Variants in TAMM41 observed in about 807,000 individuals in gnomAD.
TAMM41 encodes phosphatidate cytidylyltransferase, mitochondrial.
In TAMM41, 36 loss-of-function variants were observed where a neutral mutation model predicts 44.1. The ratio of observed to expected loss-of-function variants is 0.82; its 90% CI spans 0.63 to 1.08. The LOEUF (loss-of-function observed/expected upper bound fraction) is 1.08, where lower values mean the gene tolerates loss of function less well. Among genes scored for constraint, TAMM41 ranks in the 50% least tolerant of loss-of-function variants. TAMM41 has a pLI of 0.00. For missense variants in TAMM41, 417 were observed against 404.3 expected (o/e 1.03, Z -0.27); for synonymous variants, 164 against 153.1 (o/e 1.07, Z -0.53).
the TAMM41 span, among the ~76,000 whole-genome samples, chr3:11,781,951 A>G: frequency 2.0e-5 from 3 of 152,186 alleles, no homozygotes; most frequent in South Asian, 6.2e-4. Context: ...ATCTCTTCTG[A>G]TGTAGCTCAT....
chr3:11,753,744 A>G, the TAMM41 span, among the ~76,000 whole-genome samples: 215 of 152,150 alleles, frequency 1.4e-3, no homozygotes, highest in Middle Eastern at 6.8e-3. Flanking sequence ...CTCAAAAAAA[A>G]AAATAAAATA....
At chr3:11,788,465 T>G (rs1173645206), downstream of TAMM41, among the ~76,000 whole-genome samples, 2 of 152,114 alleles carry the variant, frequency 1.3e-5, no homozygotes, top group East Asian at 3.9e-4. Context: ...TGAAAAAAAC[T>G]TTTTGTAGTG....
chr3:11,833,171 C>G (rs1342564234), intron 3 of TAMM41: 1 of 1,283,610 alleles, frequency 7.8e-7, no homozygotes, highest in Admixed American at 2.3e-5. Context: ...AAAGAAAGTG[C>G]TCAGATTTGT....
At chr3:11,790,934 C>G (rs1270776656) in intron 7 of TAMM41, among the ~76,000 whole-genome samples, 1 of 152,232 alleles carries the variant, frequency 6.6e-6, no homozygotes, top group Non-Finnish European at 1.5e-5. Context: ...CCCGTTCTCT[C>G]AGGCCTAAAT....
chr3:11,787,651 C>A (rs1323486337), downstream of TAMM41, among the ~76,000 whole-genome samples: 1 of 152,150 alleles, frequency 6.6e-6, no homozygotes, highest in Admixed American at 6.5e-5. Flanking sequence ...TCATGATGTG[C>A]CAAGAACCAC....
chr3:11,732,843 G>T, the TAMM41 span, among the ~76,000 whole-genome samples: 2 of 152,128 alleles, frequency 1.3e-5, no homozygotes, highest in African/African-American at 4.8e-5. Flanking sequence ...GGCCTGGGTG[G>T]CTGGACCATA....
chr3:11,805,407 G>A (rs1233279172), intron 7 of TAMM41, among the ~76,000 whole-genome samples: 5 of 152,134 alleles, frequency 3.3e-5, no homozygotes, highest in Admixed American at 6.5e-5. Flanking sequence ...AAAGTGCTGG[G>A]ATTATAGGTG....
the TAMM41 span, among the ~76,000 whole-genome samples, chr3:11,763,563 A>T: frequency 7.4e-4 from 112 of 152,362 alleles, no homozygotes; most frequent in African/African-American, 2.6e-3. Context: ...GTGAAAAACA[A>T]ACACATCTCG....
chr3:11,790,046 G>A (rs1318609847), downstream of TAMM41, among the ~76,000 whole-genome samples: 1 of 152,210 alleles, frequency 6.6e-6, no homozygotes, highest in South Asian at 2.1e-4. Context: ...AGAAACACAC[G>A]AAAAGCCTAG....
At chr3:11,758,349 A>ATTGTT in the TAMM41 span, among the ~76,000 whole-genome samples, 6 of 129,236 alleles carry the variant, frequency 4.6e-5, no homozygotes, top group Non-Finnish European at 7.3e-5. Flanking sequence ...TTTGTTTTGT[A>ATTGTT]TTGTTTTGTT....
chr3:11,772,259 T>C, the TAMM41 span, among the ~76,000 whole-genome samples: 1 of 145,714 alleles, frequency 6.9e-6, no homozygotes, highest in Non-Finnish European at 1.5e-5. Flanking sequence ...TTTTTTGTAG[T>C]TTTAGTAGAG....
At chr3:11,830,439 G>C (rs1173504448) in intron 3 of TAMM41, among the ~76,000 whole-genome samples, 1 of 152,176 alleles carries the variant, frequency 6.6e-6, no homozygotes, top group Non-Finnish European at 1.5e-5. Flanking sequence ...CAAATGATTT[G>C]CATCAAAGAA....
At chr3:11,809,770 A>C in intron 5 of TAMM41, 88 bp from the exon 6 acceptor site, 1 of 1,393,318 alleles carries the variant, frequency 7.2e-7, no homozygotes, top group Non-Finnish European at 9.8e-7. Flanking sequence ...TTTAAAAATC[A>C]CACAAACATA....
At chr3:11,761,269 A>G in the TAMM41 span, among the ~76,000 whole-genome samples, 1 of 151,424 alleles carries the variant, frequency 6.6e-6, no homozygotes, top group Non-Finnish European at 1.5e-5. Context: ...TCTGTATCTT[A>G]TTATCATTGA....
intron 3 of TAMM41, among the ~76,000 whole-genome samples, chr3:11,831,040 A>G (rs778007161): frequency 6.6e-6 from 1 of 152,234 alleles, no homozygotes; most frequent in Non-Finnish European, 1.5e-5. Flanking sequence ...AGTAAATAAC[A>G]GAATCAAGCT....
At chr3:11,838,383 C>CT (rs1162300367) in intron 3 of TAMM41, among the ~76,000 whole-genome samples, 22 of 152,154 alleles carry the variant, frequency 1.4e-4, no homozygotes, top group Middle Eastern at 3.4e-3. Flanking sequence ...GCCCAGGTAC[C>CT]TTTTTTGTAT....
the TAMM41 span, among the ~76,000 whole-genome samples, chr3:11,743,166 G>A: frequency 2.6e-5 from 4 of 152,058 alleles, no homozygotes; most frequent in Admixed American, 6.6e-5. Context: ...GGAGGTTTGC[G>A]TGTCCATGTC....
At chr3:11,744,859 TC>T in the TAMM41 span, among the ~76,000 whole-genome samples, 1 of 133,134 alleles carries the variant, frequency 7.5e-6, no homozygotes, top group Non-Finnish European at 1.6e-5. Context: ...AGACCTCATC[TC>T]TACAGGTAAT....
intron 6 of TAMM41, chr3:11,808,754 G>C: frequency 2.6e-6 from 1 of 384,736 alleles, no homozygotes; most frequent in South Asian, 1.1e-4. Context: ...AGAGATACGG[G>C]CTGCTCTATC....
Sources: allele counts gnomAD v4.1 joint callset (sites outside exome capture counted in the v4.1 genomes callset), GRCh38; gene constraint gnomAD v4.1.1; transcripts MANE v1.5; gene names NCBI Gene and HGNC (gene_info 2026-07-23, HGNC 2026-07-21).